FREM3: variants seen among roughly 807,000 people sequenced by gnomAD.
FREM3 encodes the protein FRAS1-related extracellular matrix protein 3.
FREM3 carries 105 observed loss-of-function variants against 129.1 expected under a neutral mutation model. That is an observed-to-expected ratio of 0.81 (90% CI 0.69 to 0.96). The LOEUF (loss-of-function observed/expected upper bound fraction) is 0.96. FREM3 is among the 40% of genes least tolerant of loss of function. FREM3 has a pLI of 0.00. For missense variants in FREM3, 2,593 were observed against 2,666.3 expected, an observed-to-expected ratio of 0.97 and a Z score of 0.61; for synonymous variants, 1,014 against 1,044.9, an observed-to-expected ratio of 0.97 and a Z score of 0.57.
At chr4:143,673,605 A>ACT (rs1392979247) in intron 2 of FREM3, among the ~76,000 whole-genome samples, 2 of 151,790 alleles carry the variant, frequency 1.3e-5, no homozygotes, top group African/African-American at 2.4e-5. Flanking sequence ...GAGAACCACT[A>ACT]CTCTCTTCAA....
chr4:143,666,264 T>A (rs774836513), intron 2 of FREM3, among the ~76,000 whole-genome samples: 9 of 152,060 alleles, frequency 5.9e-5, no homozygotes, highest in Non-Finnish European at 1.3e-4. Flanking sequence ...ACCAATTATA[T>A]TACAACACAA....
At chr4:143,598,431 T>C (rs1031149492) in intron 6 of FREM3, among the ~76,000 whole-genome samples, 1 of 152,244 alleles carries the variant, frequency 6.6e-6, no homozygotes, top group Non-Finnish European at 1.5e-5. Context: ...TCTAGTTTTG[T>C]TCTCAGTAAT....
chr4:143,649,534 A>G (rs1739475667), intron 2 of FREM3, among the ~76,000 whole-genome samples: 1 of 152,216 alleles, frequency 6.6e-6, no homozygotes, highest in Non-Finnish European at 1.5e-5. Flanking sequence ...TAAATTTCCC[A>G]TTCTCTTCAG....
intron 2 of FREM3, among the ~76,000 whole-genome samples, chr4:143,668,613 A>G (rs1739908182): frequency 6.6e-6 from 1 of 152,236 alleles, no homozygotes; most frequent in Non-Finnish European, 1.5e-5. Context: ...TGCTATTGCT[A>G]GGGCATGGGC....
intron 2 of FREM3, among the ~76,000 whole-genome samples, chr4:143,685,852 A>C (rs1479617854): frequency 1.3e-5 from 2 of 149,932 alleles, no homozygotes; most frequent in Non-Finnish European, 2.9e-5. Flanking sequence ...ATCACACAAC[A>C]GGGCCTGTCA....
intron 2 of FREM3, among the ~76,000 whole-genome samples, chr4:143,643,631 G>T (rs1428732823): frequency 6.6e-6 from 1 of 151,934 alleles, no homozygotes; most frequent in Admixed American, 6.6e-5. Flanking sequence ...GAAACAGAGA[G>T]CAGAACAGTG....
At chr4:143,584,379 G>A (rs1273060282) in intron 7 of FREM3, among the ~76,000 whole-genome samples, 11 of 139,490 alleles carry the variant, frequency 7.9e-5, no homozygotes, top group East Asian at 2.1e-4. Context: ...ACTGCGGTCC[G>A]CAGTCCGGCC....
intron 4 of FREM3, 43 bp downstream of exon 4, chr4:143,624,065 A>G: frequency 1.7e-6 from 2 of 1,159,818 alleles, no homozygotes; most frequent in Non-Finnish European, 2.5e-6. Flanking sequence ...TGGAGCCAAG[A>G]ACCTGTACTG....
intron 6 of FREM3, among the ~76,000 whole-genome samples, chr4:143,609,870 C>A (rs1430816188): frequency 4.6e-5 from 7 of 152,168 alleles, no homozygotes; most frequent in Admixed American, 3.3e-4. Context: ...AGTAGTGTTT[C>A]TCTTTCCAAA....
intron 2 of FREM3, among the ~76,000 whole-genome samples, chr4:143,682,092 A>T (rs573816734): frequency 1.3e-5 from 2 of 152,328 alleles, no homozygotes; most frequent in South Asian, 4.1e-4. Flanking sequence ...ACCTCATATA[A>T]AGAAGAATAA....
At chr4:143,584,685 A>G (rs1168128530) in intron 7 of FREM3, among the ~76,000 whole-genome samples, 1 of 152,194 alleles carries the variant, frequency 6.6e-6, no homozygotes, top group African/African-American at 2.4e-5. Context: ...ATAATGGGAG[A>G]CTTCAACACC....
At chr4:143,657,864 G>C (rs1386778251) in intron 2 of FREM3, among the ~76,000 whole-genome samples, 1 of 151,734 alleles carries the variant, frequency 6.6e-6, no homozygotes, top group Admixed American at 6.6e-5. Flanking sequence ...ATTATTCTCT[G>C]CCACCATGTT....
intron 6 of FREM3, among the ~76,000 whole-genome samples, chr4:143,589,800 G>T (rs987245259): frequency 2.6e-5 from 4 of 152,126 alleles, no homozygotes; most frequent in Admixed American, 2.0e-4. Flanking sequence ...GTCTTGATGG[G>T]GATGGCATTG....
rs1178652594 is a variant in FREM3 at position 143,662,793 on chromosome 4, A to C, written c.5275+30320T>G. Among the ~76,000 whole-genome samples the C allele has an allele frequency of 1.2e-4, 19 of 152,060 alleles. No homozygotes were observed. The South Asian group carries it at 4.0e-3, about 32-fold the overall frequency. On this transcript the variant is annotated intron_variant, in intron 2 of 7. Coordinates refer to ENST00000329798, the MANE Select transcript of FREM3 (RefSeq NM_001168235.2). ...TGTATTGGGTGTATATATATTTAGG[A>C]TAGTTAGCTCTTCTTGTTGAATTGA...
At chr4:143,657,247 C>T (rs1057152843) in intron 2 of FREM3, among the ~76,000 whole-genome samples, 2 of 152,182 alleles carry the variant, frequency 1.3e-5, no homozygotes, top group Admixed American at 6.6e-5. Context: ...ATAATAGTTT[C>T]TCAGAAAGCC....
Position 143,633,965 on chromosome 4 carries a change from A to G in FREM3, c.5276-6205T>C, listed in dbSNP as rs372640945. Among the ~76,000 whole-genome samples the G allele has an allele frequency of 4.6e-5, 7 of 152,174 alleles. No individual in the cohort carries two copies. The East Asian group carries it at 7.7e-4, about 17-fold the overall frequency. On this transcript the variant is annotated intron_variant, in intron 2 of 7. Coordinates refer to ENST00000329798, the MANE Select transcript of FREM3 (RefSeq NM_001168235.2). ...AAAGAAAAATGAAGGAAGAACCATCAGGCTGTAGGAGATGACTAGCTCTGA... is the reference window on the plus strand; with the variant it reads ...AAAGAAAAATGAAGGAAGAACCATCGGGCTGTAGGAGATGACTAGCTCTGA...
chr4:143,611,067 G>A lies in FREM3; in HGVS notation c.6028+212C>T, dbSNP rs997181175. ...GCTTTTTCTTGTGTCAAGTAAAGTC[G>A]TACCCAAATATTTAATCTACTCGCA... On this transcript the variant is annotated intron_variant, in intron 6 of 7. Coordinates refer to ENST00000329798, the MANE Select transcript of FREM3 (RefSeq NM_001168235.2). Among the ~76,000 whole-genome samples the A allele has an allele frequency of 1.1e-4, 16 of 151,686 alleles. 1 individual carries two copies. Among genetic ancestry groups the A allele is most frequent in the South Asian group, 8.3e-4 (4 of 4,816 alleles).
Position 143,696,784 on chromosome 4 carries a change from C to A in FREM3, c.3892G>T (p.Val1298Leu). 6.5e-7 allele frequency: 1 copy of A among 1,537,838 alleles called. No homozygotes were observed. The change falls in exon 1 of 8, where the codon GTA becomes TTA. Residue 1298 changes from valine (V) to leucine (L), a missense_variant. Coordinates refer to ENST00000329798, the MANE Select transcript of FREM3 (RefSeq NM_001168235.2). ...GTTTCATCATCCACTAGGGTCACTA[C>A]AATGGGTACCTTCCTGTGGGTTGTG... ...KHTTHRKVPI[V>L]VTLVDDETPH...
chr4:143,650,729 C>T (rs1359913696), intron 2 of FREM3, among the ~76,000 whole-genome samples: 1 of 152,184 alleles, frequency 6.6e-6, no homozygotes, highest in African/African-American at 2.4e-5. Flanking sequence ...TGGCCTTAAG[C>T]TATCCTCCTC....
Sources: gnomAD v4.1 joint callset for allele counts (sites outside exome capture counted in the v4.1 genomes callset) on GRCh38, gnomAD v4.1.1 for gene constraint, MANE v1.5 for transcripts, NCBI Gene and HGNC (gene_info 2026-07-23, HGNC 2026-07-21) for gene names.